CTPS2: variants seen among roughly 807,000 people sequenced by gnomAD.
The protein encoded by CTPS2 is CTP synthase II.
CTPS2 carries 19 observed loss-of-function variants against 46.8 expected under a neutral mutation model. The observed-to-expected ratio is 0.41, with a 90% CI of 0.28 to 0.60. The LOEUF is 0.60. CTPS2 is among the 20% of genes least tolerant of loss of function. CTPS2 has a pLI of 0.35. For missense variants in CTPS2, 286 were observed against 447.6 expected (o/e 0.64, Z 3.26); for synonymous variants, 151 against 165.2 (o/e 0.91, Z 0.66).
At chrX:16,629,005 T>C (rs754101215) in intron 14 of CTPS2, among the ~76,000 whole-genome samples, 61 of 112,076 alleles carry the variant, frequency 5.4e-4, no homozygotes, top group African/African-American at 1.7e-3. Flanking sequence ...AAGAACCCCA[T>C]GAGGCGGCGC....
At chrX:16,665,814 G>A (rs773998974) in intron 13 of CTPS2, among the ~76,000 whole-genome samples, 5 of 112,062 alleles carry the variant, frequency 4.5e-5, no homozygotes, top group Non-Finnish European at 7.5e-5. Context: ...GCAATGGCAC[G>A]ATCTCAGCTC....
At chrX:16,662,601 A>C (rs991119675) in intron 13 of CTPS2, among the ~76,000 whole-genome samples, 1 of 110,878 alleles carries the variant, frequency 9.0e-6, no homozygotes, top group Non-Finnish European at 1.9e-5. Flanking sequence ...GAACAGCCAG[A>C]ATGACCAGTC....
At chrX:16,698,168 A>G (rs1924265884) in intron 4 of CTPS2, 68 bp downstream of exon 4, 2 of 833,695 alleles carry the variant, frequency 2.4e-6, no homozygotes, top group African/African-American at 2.0e-5. Flanking sequence ...GTATTTGTCA[A>G]ATAAATGAAG....
chrX:16,614,727 C>T (rs1266091363), intron 16 of CTPS2, among the ~76,000 whole-genome samples: 1 of 110,044 alleles, frequency 9.1e-6, no homozygotes, highest in African/African-American at 3.3e-5. Context: ...AGCAACATGG[C>T]AAAACCCTGC....
chrX:16,708,277 C>A (rs1292715146), intron 1 of CTPS2, among the ~76,000 whole-genome samples: 4 of 111,358 alleles, frequency 3.6e-5, no homozygotes, highest in Non-Finnish European at 5.6e-5. Context: ...CATGGTCAGG[C>A]TGAGTAAACT....
intron 14 of CTPS2, among the ~76,000 whole-genome samples, chrX:16,624,942 T>A (rs1219178807): frequency 1.8e-5 from 2 of 112,027 alleles, no homozygotes; most frequent in Non-Finnish European, 3.8e-5. Flanking sequence ...AATTATACCA[T>A]CTCTTTCTCT....
intron 13 of CTPS2, among the ~76,000 whole-genome samples, chrX:16,651,460 G>C (rs1932627685): frequency 8.9e-6 from 1 of 111,909 alleles, no homozygotes; most frequent in East Asian, 2.8e-4. Flanking sequence ...CATGGATTCA[G>C]TACTTCTGTG....
intron 13 of CTPS2, chrX:16,651,031 G>A: frequency 3.3e-6 from 4 of 1,205,286 alleles, no homozygotes; most frequent in Non-Finnish European, 4.5e-6. Context: ...GTCTCCTGAG[G>A]AACTGAAGAG....
intron 8 of CTPS2, among the ~76,000 whole-genome samples, chrX:16,683,530 C>T (rs11094712): frequency 0.11 from 12,200 of 111,177 alleles, 962 homozygotes; most frequent in African/African-American, 0.27. Flanking sequence ...GCCCAGGAGA[C>T]CAAGGCTGCA....
chrX:16,598,120 T>G (rs2147165039), intron 17 of CTPS2, among the ~76,000 whole-genome samples: 1 of 110,910 alleles, frequency 9.0e-6, no homozygotes, highest in South Asian at 3.8e-4. Flanking sequence ...AATCCAAAAC[T>G]GACACCCTAA....
chrX:16,701,501 T>C (rs140987690), intron 2 of CTPS2, among the ~76,000 whole-genome samples: 203 of 110,654 alleles, frequency 1.8e-3, no homozygotes, highest in African/African-American at 6.3e-3. Flanking sequence ...GGAGGTTGCA[T>C]TGAGCCGAGA....
intron 17 of CTPS2, among the ~76,000 whole-genome samples, chrX:16,607,546 T>A (rs887575987): frequency 8.9e-5 from 10 of 112,607 alleles, no homozygotes; most frequent in Non-Finnish European, 5.6e-5. Flanking sequence ...ATCAATACAG[T>A]AAGATGCCCA....
intron 17 of CTPS2, among the ~76,000 whole-genome samples, chrX:16,598,827 G>A (rs1391594167): frequency 1.8e-5 from 2 of 111,279 alleles, no homozygotes; most frequent in African/African-American, 6.5e-5. Flanking sequence ...CTAGCAAACC[G>A]AATCCAGCAG....
At chrX:16,690,261 C>T (rs1006218038) in intron 7 of CTPS2, among the ~76,000 whole-genome samples, 2 of 109,294 alleles carry the variant, frequency 1.8e-5, no homozygotes, top group African/African-American at 3.3e-5. Context: ...ATCCCAGCTA[C>T]TCAGGAGGCT....
In CTPS2 at chrX:16,665,665, G is replaced by A. The variant is rs180694543; in HGVS notation, c.1296+1849C>T. 1.4e-4 allele frequency among the ~76,000 whole-genome samples: 16 copies of A among 111,940 alleles called. No homozygotes were observed. The East Asian group carries it at 1.7e-3, about 12-fold the overall frequency. On this transcript the variant is annotated intron_variant, in intron 13 of 18. Transcript: ENST00000359276. ...GCTAAGGCGTGTGGGGTTTCTTTTT[G>A]GAGTAATGAAAATGGCCCAAAATTG...
chrX:16,609,567 C>G lies in CTPS2; in HGVS notation c.1665G>C (p.Leu555Phe). 8.3e-7 allele frequency: 1 copy of G among 1,211,409 alleles called. No homozygotes were observed. The highest frequency in any genetic ancestry group is 1.8e-5 in the South Asian group (1 of 56,972). The change falls in exon 17 of 19, where the codon TTG (leucine) becomes TTC (phenylalanine). Residue 555 changes from leucine (L) to phenylalanine (F), a missense_variant. By Grantham distance (22) the Leu-to-Phe change is conservative (BLOSUM62 0). Coordinates refer to ENST00000359276, the MANE Select transcript of CTPS2 (RefSeq NM_175859.3). ...TGGAAGACAGTTTGCAACCCTGTTG[C>G]AAGTAGGCATTCAGGTTCCCAGTTG... is the stretch of plus-strand genomic sequence containing the variant. ...LAATGNLNAY[L>F]QQGCKLSSSD...
intron 8 of CTPS2, among the ~76,000 whole-genome samples, chrX:16,687,473 T>TC (rs1555973156): frequency 3.6e-5 from 1 of 27,995 alleles, no homozygotes. Flanking sequence ...ACACCCTGTG[T>TC]CAAAAAAAAA....
Position 16,609,670 on chromosome X carries a change from A to G in CTPS2, c.1562T>C (p.Val521Ala). 8.3e-7 allele frequency: 1 copy of G among 1,209,856 alleles called. No homozygotes were observed. The highest frequency in any genetic ancestry group is 1.1e-6 in the Non-Finnish European group (1 of 894,407). ...AAACTCAGGATGGAACTGGACACCA[A>G]CAAAATAAGGATGATCTGAAATGAG... ...IIELANHPYF[V>A]GVQFHPEFSS... The change falls in exon 17 of 19, where the codon GTT (valine) becomes GCT (alanine). Residue 521 changes from valine to alanine, a missense_variant. Transcript: ENST00000359276.
intron 7 of CTPS2, 121 bp from the exon 8 acceptor site, chrX:16,689,722 G>GCA: frequency 3.6e-6 from 2 of 558,879 alleles, no homozygotes; most frequent in Non-Finnish European, 5.5e-6. Flanking sequence ...ACACACACAC[G>GCA]CACACACAAA....
Sources: allele counts gnomAD v4.1 joint callset (sites outside exome capture counted in the v4.1 genomes callset), GRCh38; gene constraint gnomAD v4.1.1; transcripts MANE v1.5; gene names NCBI Gene and HGNC (gene_info 2026-07-23, HGNC 2026-07-21).